The following CNOT6L variants were observed in gnomAD, a reference collection of about 807,000 sequenced individuals.
CNOT6L encodes the protein CCR4-NOT transcription complex subunit 6-like.
In CNOT6L, 7 loss-of-function variants were observed where a neutral mutation model predicts 64.0. The ratio of observed to expected loss-of-function variants is 0.11; its 90% CI spans 0.06 to 0.21. The LOEUF (loss-of-function observed/expected upper bound fraction) is 0.21. Ranked by LOEUF, CNOT6L falls within the 10% of genes least tolerant of loss-of-function variation. The pLI, the probability that CNOT6L is intolerant of heterozygous loss-of-function variation, is 1.00. For synonymous variants in CNOT6L, 193 were observed against 243.4 expected (o/e 0.79, Z 1.93); for missense variants, 245 against 669.0 (o/e 0.37, Z 6.99).
intron 1 of CNOT6L, among the ~76,000 whole-genome samples, chr4:77,791,619 T>C (rs1368871496): frequency 6.6e-6 from 1 of 152,194 alleles, no homozygotes; most frequent in African/African-American, 2.4e-5. Context: ...TACTAATGCA[T>C]ATAATTTCTC....
chr4:77,758,242 A>G (rs551822973), intron 4 of CNOT6L, among the ~76,000 whole-genome samples: 6 of 152,290 alleles, frequency 3.9e-5, no homozygotes, highest in Non-Finnish European at 8.8e-5. Flanking sequence ...TGGATTTTAA[A>G]TATTTGGATA....
At chr4:77,774,361 T>C (rs963057174) in intron 3 of CNOT6L, among the ~76,000 whole-genome samples, 169 bp downstream of exon 3, 2 of 152,136 alleles carry the variant, frequency 1.3e-5, no homozygotes, top group African/African-American at 4.8e-5. Flanking sequence ...CCTCCAAATT[T>C]AAAGGAAAAG....
intron 6 of CNOT6L, among the ~76,000 whole-genome samples, chr4:77,747,821 G>T (rs1451489889): frequency 6.6e-6 from 1 of 152,106 alleles, no homozygotes; most frequent in Non-Finnish European, 1.5e-5. Context: ...ATTATACTTT[G>T]TTGCCAGTAT....
rs1372102241 is a variant in CNOT6L at position 77,742,355 on chromosome 4, A to G, written c.718-60T>C. ...GAGGGAAAATGCTGATTAAGATATA[A>G]AAATGTTCAGCATTATGAGTAAGAT... On this transcript the variant is annotated intron_variant, in intron 7 of 11. Transcript: ENST00000504123. The G allele has an allele frequency of 2.1e-6, 3 of 1,444,638 alleles. No homozygotes were observed. The African/African-American group carries it at 4.2e-5, about 20-fold the overall frequency. The allele number at this position is 1,444,638 out of a possible 1,614,324, so 89.5% of individuals were successfully genotyped here.
chr4:77,746,776 T>G (rs909835254), intron 6 of CNOT6L, among the ~76,000 whole-genome samples: 2 of 152,146 alleles, frequency 1.3e-5, no homozygotes, highest in Non-Finnish European at 1.5e-5. Context: ...ATAAAATAAA[T>G]CTATCTAGCT....
intron 1 of CNOT6L, among the ~76,000 whole-genome samples, chr4:77,804,614 G>C (rs1560436985): frequency 6.6e-6 from 1 of 151,928 alleles, no homozygotes; most frequent in East Asian, 1.9e-4. Context: ...GGGGTAACTG[G>C]AACTAACTGA....
At chr4:77,803,632 G>A (rs879540409) in intron 1 of CNOT6L, among the ~76,000 whole-genome samples, 5 of 152,064 alleles carry the variant, frequency 3.3e-5, no homozygotes, top group Non-Finnish European at 5.9e-5. Context: ...GGGCAGGTGC[G>A]GTTGCTCATG....
intron 1 of CNOT6L, among the ~76,000 whole-genome samples, chr4:77,814,877 C>G (rs1476575012): frequency 6.6e-6 from 1 of 152,142 alleles, no homozygotes; most frequent in African/African-American, 2.4e-5. Context: ...ATACCATTTA[C>G]TGTATTAGAG....
intron 4 of CNOT6L, among the ~76,000 whole-genome samples, chr4:77,759,316 A>G (rs906799081): frequency 1.3e-5 from 2 of 151,950 alleles, no homozygotes; most frequent in African/African-American, 4.8e-5. Flanking sequence ...CTGTAATCCC[A>G]GCAGTTTGGG....
rs187070133 is a variant in CNOT6L, at chr4:77,738,010, T to C, written c.872+4131A>G. Among the ~76,000 whole-genome samples, 30 of 152,168 alleles carry C rather than the reference T, an allele frequency of 2.0e-4. No individual in the cohort carries two copies. The East Asian group carries it at 5.8e-3, about 29-fold the overall frequency. On this transcript the variant is annotated intron_variant, in intron 8 of 11. Transcript: ENST00000504123. Reference sequence around the variant, plus strand: ...GAGTATCACAACAGTAATGATACTGTACCATTTTGGAATGATACTATGACC... The same window carrying C: ...GAGTATCACAACAGTAATGATACTGCACCATTTTGGAATGATACTATGACC...
chr4:77,749,110 A>G (rs1724551177), intron 5 of CNOT6L, among the ~76,000 whole-genome samples: 1 of 152,170 alleles, frequency 6.6e-6, no homozygotes, highest in African/African-American at 2.4e-5. Context: ...ATTCCCTTAA[A>G]ACAACACTCC....
Position 77,726,152 on chromosome 4 carries a change from A to G in CNOT6L, c.1455+15T>C. Reference sequence around the variant, plus strand: ...CTGAAATAATTTCTACACCTGCCCAAAGGCTGCCACTCACTTTGAAATCAA... The same window carrying G: ...CTGAAATAATTTCTACACCTGCCCAGAGGCTGCCACTCACTTTGAAATCAA... On this transcript the variant is annotated intron_variant, in intron 11 of 11. Coordinates refer to ENST00000504123, the MANE Select transcript of CNOT6L (RefSeq NM_144571.3). 1 of 1,611,194 alleles carries G rather than the reference A, an allele frequency of 6.2e-7. No individual in the cohort carries two copies. Among genetic ancestry groups the G allele is most frequent in the Non-Finnish European group, 8.5e-7 (1 of 1,177,426 alleles).
intron 1 of CNOT6L, among the ~76,000 whole-genome samples, chr4:77,795,131 T>C (rs1424566751): frequency 6.6e-6 from 1 of 151,480 alleles, no homozygotes; most frequent in Non-Finnish European, 1.5e-5. Context: ...GTGATTCTTC[T>C]GCCTCAGCCT....
chr4:77,772,511 C>A (rs1166104903), intron 4 of CNOT6L, among the ~76,000 whole-genome samples: 3 of 151,576 alleles, frequency 2.0e-5, no homozygotes, highest in Admixed American at 2.0e-4. Context: ...TGAGAAAGTT[C>A]AGTTTTATAG....
chr4:77,816,396 T>C (rs1357651394), intron 1 of CNOT6L, among the ~76,000 whole-genome samples: 1 of 152,188 alleles, frequency 6.6e-6, no homozygotes, highest in Non-Finnish European at 1.5e-5. Context: ...TCATTTATAG[T>C]TTTAAGGTAA....
At position 77,798,610 on chromosome 4, in the gene CNOT6L, AG is replaced by A. The variant is rs367976342; in HGVS notation, c.5+20693del. ...GCTAAGTTTTTAAAAAACCGAGCCA[AG>A]AAAACAACCGGAACTTTCATACACT... On this transcript the variant is annotated intron_variant, in intron 1 of 11. Transcript: ENST00000504123. Among the ~76,000 whole-genome samples, 14 of 152,336 alleles carry A rather than the reference AG, an allele frequency of 9.2e-5. No individual in the cohort carries two copies. The East Asian group carries it at 1.7e-3, about 19-fold the overall frequency.
chr4:77,760,594 A>G (rs946576914), intron 4 of CNOT6L, among the ~76,000 whole-genome samples: 1 of 151,844 alleles, frequency 6.6e-6, no homozygotes, highest in African/African-American at 2.4e-5. Flanking sequence ...AAAATACCGA[A>G]TTCAAAGCGT....
At chr4:77,745,790 G>T (rs1214216478) in intron 6 of CNOT6L, among the ~76,000 whole-genome samples, 1 of 152,170 alleles carries the variant, frequency 6.6e-6, no homozygotes, top group Non-Finnish European at 1.5e-5. Context: ...CAGCATCCCA[G>T]GTGATTATAA....
At chr4:77,795,646 A>G (rs1207279899) in intron 1 of CNOT6L, among the ~76,000 whole-genome samples, 1 of 152,128 alleles carries the variant, frequency 6.6e-6, no homozygotes, top group Non-Finnish European at 1.5e-5. Flanking sequence ...ACCTTCCACC[A>G]TGATTGTTAA....
Sources: allele counts gnomAD v4.1 joint callset (sites outside exome capture counted in the v4.1 genomes callset), GRCh38; gene constraint gnomAD v4.1.1; transcripts MANE v1.5; gene names NCBI Gene and HGNC (gene_info 2026-07-23, HGNC 2026-07-21).